The following RANBP17 variants were observed in gnomAD, a reference collection of about 807,000 sequenced individuals.
The protein encoded by RANBP17 is RAN binding protein 17.
In RANBP17, 158 loss-of-function variants were observed where a neutral mutation model predicts 141.2. The ratio of observed to expected loss-of-function variants is 1.12; its 90% confidence interval spans 0.98 to 1.28. The LOEUF is 1.28. Among genes scored for constraint, RANBP17 ranks in the 50% most tolerant of loss-of-function variants. The pLI is 0.00. For synonymous variants in RANBP17, 430 were observed against 450.0 expected (o/e 0.96, Z 0.56); for missense variants, 1,438 against 1,290.7 (o/e 1.11, Z -1.75).
chr5:171,005,139 G>A (rs1029661918), intron 14 of RANBP17, among the ~76,000 whole-genome samples: 9 of 151,936 alleles, frequency 5.9e-5, no homozygotes, highest in South Asian at 4.2e-4. Context: ...AGAATAAGGC[G>A]GCCTTTATCG....
At chr5:171,141,120 T>C (rs1757661533) in intron 14 of RANBP17, among the ~76,000 whole-genome samples, 1 of 152,090 alleles carries the variant, frequency 6.6e-6, no homozygotes, top group South Asian at 2.1e-4. Flanking sequence ...AAAATGTTTC[T>C]TTTTTCCTTT....
intron 25 of RANBP17, among the ~76,000 whole-genome samples, chr5:171,283,194 C>T (rs139881002): frequency 7.9e-5 from 12 of 152,314 alleles, no homozygotes; most frequent in Non-Finnish European, 1.6e-4. Flanking sequence ...CTTGTGTAAG[C>T]TTCTGTTTAT....
intron 5 of RANBP17, among the ~76,000 whole-genome samples, chr5:170,898,731 T>C (rs1422311072): frequency 1.3e-5 from 2 of 152,230 alleles, no homozygotes. Context: ...TTCAGTTTTC[T>C]GTATATGGCT....
intron 14 of RANBP17, among the ~76,000 whole-genome samples, chr5:171,015,500 T>A (rs1034159337): frequency 1.3e-5 from 2 of 152,144 alleles, no homozygotes; most frequent in Non-Finnish European, 2.9e-5. Context: ...TGTTTTTATA[T>A]TTTCTATGTC....
At chr5:171,101,936 G>A (rs551131056) in intron 14 of RANBP17, among the ~76,000 whole-genome samples, 9 of 152,256 alleles carry the variant, frequency 5.9e-5, no homozygotes, top group African/African-American at 2.2e-4. Context: ...CTCTCTTCTG[G>A]CTTGTAGGGT....
At chr5:171,167,074 A>C (rs1393343004) in intron 14 of RANBP17, among the ~76,000 whole-genome samples, 1 of 152,214 alleles carries the variant, frequency 6.6e-6, no homozygotes, top group Non-Finnish European at 1.5e-5. Flanking sequence ...ATAATTGTGG[A>C]TTAAAGCACT....
At chr5:171,033,236 C>T (rs1781661997) in intron 14 of RANBP17, among the ~76,000 whole-genome samples, 1 of 152,068 alleles carries the variant, frequency 6.6e-6, no homozygotes, top group Non-Finnish European at 1.5e-5. Context: ...GCATACTATA[C>T]ATTTTGTTTA....
At chr5:170,968,184 A>T in intron 13 of RANBP17, 58 bp from the exon 14 acceptor site, 1 of 1,218,322 alleles carries the variant, frequency 8.2e-7, no homozygotes, top group South Asian at 1.7e-5. Flanking sequence ...AAATGTTTTA[A>T]TGTTGTTTCT....
chr5:171,245,755 T>G (rs908521369), intron 24 of RANBP17, among the ~76,000 whole-genome samples: 1 of 152,180 alleles, frequency 6.6e-6, no homozygotes, highest in Admixed American at 6.5e-5. Context: ...CTTATGACAT[T>G]CCAGTGCTCC....
At chr5:170,959,261 A>C (rs1438069858) in intron 13 of RANBP17, among the ~76,000 whole-genome samples, 1 of 152,166 alleles carries the variant, frequency 6.6e-6, no homozygotes, top group Non-Finnish European at 1.5e-5. Context: ...TATTATATAA[A>C]TAACTTCAGC....
At chr5:171,114,821 A>T (rs1170113621) in intron 14 of RANBP17, among the ~76,000 whole-genome samples, 1 of 151,692 alleles carries the variant, frequency 6.6e-6, no homozygotes, top group Non-Finnish European at 1.5e-5. Context: ...GTTCTTAAAA[A>T]TCTTATGAGT....
intron 14 of RANBP17, among the ~76,000 whole-genome samples, chr5:171,094,328 A>G (rs990434652): frequency 6.6e-6 from 1 of 152,162 alleles, no homozygotes; most frequent in African/African-American, 2.4e-5. Context: ...CTCTAAGAGT[A>G]CATTTTCTTT....
intron 22 of RANBP17, among the ~76,000 whole-genome samples, chr5:171,235,295 A>G (rs1206885050): frequency 2.0e-5 from 3 of 151,514 alleles, no homozygotes; most frequent in Non-Finnish European, 1.5e-5. Context: ...CAGGGGAAGT[A>G]AGGCCAAGAG....
intron 14 of RANBP17, among the ~76,000 whole-genome samples, chr5:170,995,250 G>A (rs961063629): frequency 5.9e-4 from 89 of 152,058 alleles, no homozygotes; most frequent in African/African-American, 2.1e-3. Context: ...GCCAAGCTAC[G>A]TACCCATTTT....
Position 171,205,545 on chromosome 5 carries a change from A to T in RANBP17, c.2164A>T (p.Arg722Ter). 6.2e-7 allele frequency: 1 copy of T among 1,613,308 alleles called. No homozygotes were observed. The highest frequency in any genetic ancestry group is 8.5e-7 in the Non-Finnish European group (1 of 1,179,300). The stretch of plus-strand genomic sequence containing the variant: ...ACAGCGTATGTTGATCGGGCTGGCA[A>T]GAGATCTTCGAGGGATTGCCTTTGC... ...DVKRMLIGLA[R>*]DLRGIAFALN... The change falls in exon 20 of 28, where the codon AGA (arginine) becomes TGA (stop). Residue 722 changes from arginine to a stop codon, truncating the protein, a stop_gained. Transcript: ENST00000523189. LOFTEE classifies it high-confidence loss of function.
At chr5:171,261,206 G>T (rs1163142844) in intron 24 of RANBP17, among the ~76,000 whole-genome samples, 1 of 151,512 alleles carries the variant, frequency 6.6e-6, no homozygotes, top group African/African-American at 2.4e-5. Context: ...GTATGTGTTG[G>T]GTGCTGTATT....
chr5:171,089,638 C>G (rs1366252338), intron 14 of RANBP17, among the ~76,000 whole-genome samples: 1 of 152,156 alleles, frequency 6.6e-6, no homozygotes, highest in Non-Finnish European at 1.5e-5. Flanking sequence ...CCCTCCGAGC[C>G]AGGTGTGGGA....
At chr5:170,929,941 A>G (rs1374026576) in intron 12 of RANBP17, among the ~76,000 whole-genome samples, 1 of 152,132 alleles carries the variant, frequency 6.6e-6, no homozygotes, top group East Asian at 1.9e-4. Context: ...CTTTCAAGGA[A>G]TTTACTCAAT....
Position 170,881,909 on chromosome 5 carries a change from T to G in RANBP17, c.256+13T>G, listed in dbSNP as rs773785431. 6.4e-6 allele frequency: 10 copies of G among 1,550,526 alleles called. No individual in the cohort carries two copies. ...AGGATGGACATCAGTAAGTGGCTTA[T>G]TATGCTTTTTAACCAACTGCGCTTT... On this transcript the variant is annotated intron_variant, in intron 3 of 27. Coordinates refer to ENST00000523189, the MANE Select transcript of RANBP17 (RefSeq NM_022897.5).
Sources: allele counts gnomAD v4.1 joint callset (sites outside exome capture counted in the v4.1 genomes callset), GRCh38; gene constraint gnomAD v4.1.1; transcripts MANE v1.5; gene names NCBI Gene and HGNC (gene_info 2026-07-23, HGNC 2026-07-21).